RXRA: variants seen among roughly 807,000 people sequenced by gnomAD.
RXRA encodes retinoid X receptor alpha.
In RXRA, 5 loss-of-function variants were observed where a neutral mutation model predicts 44.5. The ratio of observed to expected loss-of-function variants is 0.11; its 90% confidence interval spans 0.06 to 0.24. The LOEUF (loss-of-function observed/expected upper bound fraction) is 0.24. Ranked by LOEUF, RXRA falls within the 10% of genes least tolerant of loss-of-function variation. The probability of loss-of-function intolerance (pLI) is 1.00; values close to 1 mark genes in which losing one functional copy is unlikely to be tolerated. For missense variants in RXRA, 412 were observed against 646.5 expected, an observed-to-expected ratio of 0.64 and a Z score of 3.93; for synonymous variants, 291 against 271.4, an observed-to-expected ratio of 1.07 and a Z score of -0.71.
intron 1 of RXRA, among the ~76,000 whole-genome samples, chr9:134,340,701 G>C (rs532035867): frequency 1.3e-5 from 2 of 152,312 alleles, no homozygotes; most frequent in South Asian, 2.1e-4. Flanking sequence ...GCCACATGCC[G>C]TCCAGGCTGA....
intron 4 of RXRA, among the ~76,000 whole-genome samples, chr9:134,414,966 C>T (rs972186365): frequency 2.0e-5 from 3 of 152,202 alleles, no homozygotes; most frequent in Admixed American, 6.5e-5. Flanking sequence ...GGGGGCTGAC[C>T]GGAGCCTTCT....
intron 6 of RXRA, chr9:134,423,109 C>T: frequency 2.0e-6 from 2 of 985,454 alleles, no homozygotes; most frequent in Non-Finnish European, 2.4e-6. Context: ...CAAAGCTGGT[C>T]CCCCACCTGG....
chr9:134,333,438 G>T (rs1835037516), intron 1 of RXRA, among the ~76,000 whole-genome samples: 1 of 152,134 alleles, frequency 6.6e-6, no homozygotes, highest in South Asian at 2.1e-4. Context: ...AGCTGTACCC[G>T]GGGCCAGGGC....
rs533157004 is a variant in RXRA at position 134,385,686 on chromosome 9, A to G, written c.29-15946A>G. ...ATGCCTGGGCTTCTTCCAGGCCACCACTCCAGGCCAGGACAAGGACAGGCA... is the reference window on the plus strand; with the variant it reads ...ATGCCTGGGCTTCTTCCAGGCCACCGCTCCAGGCCAGGACAAGGACAGGCA... On this transcript the variant is annotated intron_variant, in intron 1 of 9. Transcript: ENST00000481739. Among the ~76,000 whole-genome samples the G allele has an allele frequency of 2.2e-4, 34 of 151,836 alleles. No individual in the cohort carries two copies. In the South Asian group the frequency reaches 5.4e-3, roughly 24 times the overall value.
intron 1 of RXRA, among the ~76,000 whole-genome samples, chr9:134,387,435 T>C (rs1192849788): frequency 1.3e-5 from 2 of 152,262 alleles, no homozygotes; most frequent in South Asian, 2.1e-4. Context: ...CAGATCGGTC[T>C]GGCCAGGGTG....
rs1347347631 is a variant in RXRA, at chr9:134,326,693, C to CGGGGGCCGGGGGCCGGCGGGCGGGA, written c.28+48_28+72dup. 3 of 591,510 alleles carry CGGGGGCCGGGGGCCGGCGGGCGGGA rather than the reference C, an allele frequency of 5.1e-6. No individual in the cohort carries two copies. In the African/African-American group the frequency reaches 6.4e-5, roughly 13 times the overall value. 36.6% of individuals were successfully genotyped at this position (591,510 alleles called of 1,614,324 possible). The stretch of plus-strand genomic sequence containing the variant: ...TCGCCGGGCCGGGCGGGGACGGGGC[C>CGGGGGCCGGGGGCCGGCGGGCGGGA]GGGGGCCGGGGGCCGGCGGGCGGGA... On this transcript the variant is annotated intron_variant, in intron 1 of 9. Transcript: ENST00000481739.
At chr9:134,347,536 C>G (rs894187145) in intron 1 of RXRA, among the ~76,000 whole-genome samples, 3 of 152,222 alleles carry the variant, frequency 2.0e-5, no homozygotes, top group Non-Finnish European at 2.9e-5. Context: ...ACCCCACACC[C>G]CTGTCCGGAG....
At chr9:134,361,363 G>A (rs1485191034) in intron 1 of RXRA, among the ~76,000 whole-genome samples, 2 of 152,184 alleles carry the variant, frequency 1.3e-5, no homozygotes, top group East Asian at 3.9e-4. Context: ...TCTGTACTGA[G>A]GGCCTGCTGT....
intron 1 of RXRA, among the ~76,000 whole-genome samples, chr9:134,364,851 G>C (rs1311583302): frequency 6.6e-6 from 1 of 152,224 alleles, no homozygotes; most frequent in African/African-American, 2.4e-5. Flanking sequence ...GGGGAGAGGA[G>C]CCAGGAGCGT....
chr9:134,422,023 CCTCCCTGGATGCTCCCAT>C, intron 6 of RXRA: 1 of 1,442,554 alleles, frequency 6.9e-7, no homozygotes, highest in South Asian at 1.3e-5. Flanking sequence ...CACACTCCCC[CCTCCCTGGATGCTCCCAT>C]CTCCCAGGAC....
At chr9:134,422,506 CCCT>C in intron 6 of RXRA, 1 of 1,224,562 alleles carries the variant, frequency 8.2e-7, no homozygotes. Flanking sequence ...CAGGACACTC[CCCT>C]CTCCCGGGAC....
chr9:134,439,117 C>T lies in RXRA; in HGVS notation c.*2503C>T, dbSNP rs1831684016. On this transcript the variant is annotated 3_prime_UTR_variant, in exon 10 of 10. Transcript: ENST00000481739. Reference sequence around the variant, plus strand: ...CTGTAGTAGTATTACCAATCCAGTTCAATTAAGGTGATTTTTTGTAATTAT... The same window carrying T: ...CTGTAGTAGTATTACCAATCCAGTTTAATTAAGGTGATTTTTTGTAATTAT... The T allele has an allele frequency of 6.6e-6, 1 of 152,222 alleles. No homozygotes were observed. The allele number at this position is 152,222 out of a possible 1,614,324, so 9.4% of individuals were successfully genotyped here. A position where few individuals can be genotyped will look rare whatever the true frequency, so the allele number is the denominator to read the frequency against.
At chr9:134,362,503 G>A (rs1439650886) in intron 1 of RXRA, among the ~76,000 whole-genome samples, 3 of 152,232 alleles carry the variant, frequency 2.0e-5, no homozygotes, top group Non-Finnish European at 4.4e-5. Context: ...GAGCTTCAAG[G>A]GGGCAGGAGC....
At chr9:134,375,918 A>G (rs1226407797) in intron 1 of RXRA, among the ~76,000 whole-genome samples, 1 of 151,286 alleles carries the variant, frequency 6.6e-6, no homozygotes, top group African/African-American at 2.4e-5. Context: ...ACGTAGAGAA[A>G]ACAAGCTGCC....
chr9:134,421,369 G>T (rs1221544293), intron 5 of RXRA, among the ~76,000 whole-genome samples: 1 of 152,130 alleles, frequency 6.6e-6, no homozygotes, highest in Admixed American at 6.5e-5. Context: ...CCCAGCGTCT[G>T]TGATCTCATC....
chr9:134,382,423 G>A (rs1327810833), intron 1 of RXRA, among the ~76,000 whole-genome samples: 1 of 152,170 alleles, frequency 6.6e-6, no homozygotes, highest in Admixed American at 6.5e-5. Flanking sequence ...CCAGAGCTGG[G>A]GGCTGGGGCG....
intron 5 of RXRA, among the ~76,000 whole-genome samples, chr9:134,419,976 G>T (rs966082505): frequency 6.6e-6 from 1 of 152,160 alleles, no homozygotes; most frequent in African/African-American, 2.4e-5. Context: ...GCCCACTCCT[G>T]CAGAGGTCCC....
At chr9:134,425,098 A>G (rs1831410767) in intron 6 of RXRA, 1 of 985,272 alleles carries the variant, frequency 1.0e-6, no homozygotes, top group South Asian at 4.7e-5. Flanking sequence ...GTCTCTGCTC[A>G]CTCCGGGGAG....
chr9:134,409,661 A>G (rs1311422251), intron 4 of RXRA, among the ~76,000 whole-genome samples: 1 of 152,212 alleles, frequency 6.6e-6, no homozygotes, highest in Non-Finnish European at 1.5e-5. Context: ...CGGGCCCCAC[A>G]GGCACTGTGA....
Sources: allele counts gnomAD v4.1 joint callset (sites outside exome capture counted in the v4.1 genomes callset), GRCh38; gene constraint gnomAD v4.1.1; transcripts MANE v1.5; gene names NCBI Gene and HGNC (gene_info 2026-07-23, HGNC 2026-07-21).